Variants in SLC24A1 observed in about 807,000 individuals in gnomAD.
SLC24A1 encodes the protein sodium/potassium/calcium exchanger 1.
A neutral mutation model predicts 88.1 loss-of-function variants in SLC24A1; 52 were observed. The observed-to-expected ratio is 0.59, with a 90% confidence interval of 0.47 to 0.74. The LOEUF (loss-of-function observed/expected upper bound fraction) is 0.74. SLC24A1 is among the 30% of genes least tolerant of loss of function. The pLI is 0.00. For synonymous variants in SLC24A1, 455 were observed against 498.0 expected (o/e 0.91, Z 1.15); for missense variants, 1,173 against 1,363.3 (o/e 0.86, Z 2.20).
At chr15:65,651,869 A>G (rs2075521649) in intron 8 of SLC24A1, 110 bp downstream of exon 8, 1 of 709,236 alleles carries the variant, frequency 1.4e-6, no homozygotes, top group Non-Finnish European at 2.6e-6. Flanking sequence ...GAATTCGTGC[A>G]GTTTCTATGT....
At chr15:65,642,756 C>A in intron 4 of SLC24A1, 1 of 330,850 alleles carries the variant, frequency 3.0e-6, no homozygotes, top group Non-Finnish European at 6.0e-6. Flanking sequence ...ATTGCCAGAG[C>A]CAGCTGCAGC....
At chr15:65,630,680 TA>T (rs1373672783) in intron 2 of SLC24A1, among the ~76,000 whole-genome samples, 1 of 152,230 alleles carries the variant, frequency 6.6e-6, no homozygotes, top group East Asian at 1.9e-4. Flanking sequence ...AAAATTTTCT[TA>T]ATCTTTTGGC....
upstream of SLC24A1, among the ~76,000 whole-genome samples, chr15:65,620,793 A>G (rs1596300818): frequency 6.6e-6 from 1 of 152,162 alleles, no homozygotes; most frequent in Non-Finnish European, 1.5e-5. Flanking sequence ...AAGATCACTC[A>G]TTTTACTTTG....
At chr15:65,651,420 C>T (rs2075500672) in intron 7 of SLC24A1, among the ~76,000 whole-genome samples, 2 of 152,174 alleles carry the variant, frequency 1.3e-5, no homozygotes, top group East Asian at 1.9e-4. Flanking sequence ...AAGCAAACAG[C>T]TTTCTTCCAT....
chr15:65,631,368 A>C (rs2074718889), intron 2 of SLC24A1, among the ~76,000 whole-genome samples: 1 of 152,226 alleles, frequency 6.6e-6, no homozygotes, highest in South Asian at 2.1e-4. Flanking sequence ...AAGTAAAATA[A>C]ACTAAGATGT....
At chr15:65,627,491 C>T (rs1462369034) in intron 2 of SLC24A1, among the ~76,000 whole-genome samples, 4 of 152,210 alleles carry the variant, frequency 2.6e-5, no homozygotes, top group Admixed American at 2.6e-4. Flanking sequence ...AACCCAGTCT[C>T]CTAACTCCCC....
Position 65,624,579 on chromosome 15 carries a change from A to G in SLC24A1, c.499A>G (p.Thr167Ala), listed in dbSNP as rs755024080. ...AAGCAGACAAATAGTAAAAAAGTAT[A>G]CCCCAACACCCAGGGGAGAAATGAA... Reference protein sequence around the residue: ...TSSRQIVKKYTPTPRGEMKSY... With the variant: ...TSSRQIVKKYAPTPRGEMKSY... The change falls in exon 2 of 10, where the codon ACC becomes GCC. Residue 167 changes from threonine (T) to alanine (A), a missense_variant. Transcript: ENST00000261892. The G allele has an allele frequency of 6.3e-7, 1 of 1,593,424 alleles. No individual in the cohort carries two copies.
In SLC24A1 at chr15:65,624,045, T is replaced by G; in HGVS notation, c.-36T>G. ...GAGTAGCCTCCATCTTAGGACAGAA[T>G]GAGAGGCCTTCTGTAACCAGATATA... is the stretch of plus-strand genomic sequence containing the variant. On this transcript the variant is annotated 5_prime_UTR_variant, in exon 2 of 10. The change abolishes an upstream ATG in the 5' untranslated region. Coordinates refer to ENST00000261892, the MANE Select transcript of SLC24A1 (RefSeq NM_004727.3). 18 of 1,505,256 alleles carry G rather than the reference T, an allele frequency of 1.2e-5. No homozygotes were observed. The highest frequency in any genetic ancestry group is 1.4e-5 in the Non-Finnish European group (16 of 1,119,216). The allele number at this position is 1,505,256 out of a possible 1,614,324, so 93.2% of individuals were successfully genotyped here.
chr15:65,621,226 T>C (rs181327503), upstream of SLC24A1, among the ~76,000 whole-genome samples: 105 of 152,338 alleles, frequency 6.9e-4, 1 homozygote, highest in East Asian at 7.7e-3. Context: ...AGCTGAATGA[T>C]TGAAAGGGCT....
downstream of SLC24A1, chr15:65,658,264 C>T (rs2075746453): frequency 6.6e-6 from 1 of 152,152 alleles, no homozygotes; most frequent in Non-Finnish European, 1.5e-5. Context: ...TTAAGGTAAA[C>T]TGGTATGCAG....
rs373453384 is a variant in SLC24A1, at chr15:65,625,691, C to T, written c.1611C>T (p.Leu537=). 1 of 1,614,018 alleles carries T rather than the reference C, an allele frequency of 6.2e-7. No individual in the cohort carries two copies. The highest frequency in any genetic ancestry group is 1.3e-5 in the African/African-American group (1 of 75,058). ...TIVGSAVFNI[L]FVIGTCSLFS... is the part of the protein sequence containing the mutation. ...TGGGCTCTGCTGTGTTCAACATTCTCTTTGTCATTGGCACTTGTTCCCTCT... is the reference window on the plus strand; with the variant it reads ...TGGGCTCTGCTGTGTTCAACATTCTTTTTGTCATTGGCACTTGTTCCCTCT... The change falls in exon 2 of 10, where the codon CTC becomes CTT. Residue 537 remains leucine, a synonymous_variant. Coordinates refer to ENST00000261892, the MANE Select transcript of SLC24A1 (RefSeq NM_004727.3).
rs1001453560 is a variant in SLC24A1, at chr15:65,623,967, C to A, written c.-114C>A. 2 of 905,644 alleles carry A rather than the reference C, an allele frequency of 2.2e-6. No individual in the cohort carries two copies. Among genetic ancestry groups the A allele is most frequent in the East Asian group, 4.9e-5 (2 of 41,104 alleles). 56.1% of individuals were successfully genotyped at this position (905,644 alleles called of 1,614,324 possible). ...TTTACCCACCTAGGGTTGTGGATAC[C>A]CCCTGGCTGGGCTTCATGGAGAAAT... On this transcript the variant is annotated 5_prime_UTR_variant, in exon 2 of 10. Transcript: ENST00000261892.
At chr15:65,638,460 T>C (rs942397357) in intron 3 of SLC24A1, among the ~76,000 whole-genome samples, 11 of 152,194 alleles carry the variant, frequency 7.2e-5, no homozygotes, top group African/African-American at 2.7e-4. Flanking sequence ...GAGCTTCAGA[T>C]TCTGCATCTG....
Position 65,654,931 on chromosome 15 carries a change from C to T in SLC24A1, c.*852C>T, listed in dbSNP as rs1284367736. 2.8e-6 allele frequency: 3 copies of T among 1,059,726 alleles called. No homozygotes were observed. Among genetic ancestry groups the T allele is most frequent in the African/African-American group, 3.5e-5 (2 of 57,912 alleles). The allele number at this position is 1,059,726 out of a possible 1,614,324, so 65.6% of individuals were successfully genotyped here. A position where few individuals can be genotyped will look rare whatever the true frequency, so the allele number is the denominator to read the frequency against. On this transcript the variant is annotated 3_prime_UTR_variant, in exon 10 of 10. Transcript: ENST00000261892. ...TATTTTCTAGTTTAAAGGAGGACTACATTAACTCTTATTGTTGTGTTTCTG... is the reference window on the plus strand; with the variant it reads ...TATTTTCTAGTTTAAAGGAGGACTATATTAACTCTTATTGTTGTGTTTCTG...
Position 65,639,654 on chromosome 15 carries a change from C to T in SLC24A1, c.2004C>T (p.Arg668=). The T allele has an allele frequency of 1.9e-6, 3 of 1,613,286 alleles. No individual in the cohort carries two copies. The highest frequency in any genetic ancestry group is 1.1e-5 in the South Asian group (1 of 90,780). The change falls in exon 4 of 10, where the codon CGC becomes CGT. Residue 668 remains arginine, a synonymous_variant. Coordinates refer to ENST00000261892, the MANE Select transcript of SLC24A1 (RefSeq NM_004727.3). ...CCTCTCTGCACAACAGCACCATCCG[C>T]AGCACCATCTACCAGCTCATGCTCC... is the stretch of plus-strand genomic sequence containing the variant. ...SSTSLHNSTI[R]STIYQLMLHS... is the part of the protein sequence containing the mutation.
intron 1 of SLC24A1, chr15:65,611,898 C>T (rs1002487133): frequency 1.3e-5 from 2 of 152,294 alleles, no homozygotes; most frequent in African/African-American, 4.8e-5. Context: ...TAATTCCTGG[C>T]TGAGGTATGC....
At chr15:65,641,432 G>A (rs1192897734) in intron 4 of SLC24A1, among the ~76,000 whole-genome samples, 1 of 152,042 alleles carries the variant, frequency 6.6e-6, no homozygotes, top group Non-Finnish European at 1.5e-5. Context: ...GACAAGTGAT[G>A]AAACCTTCCT....
At chr15:65,641,423 A>G (rs1373833677) in intron 4 of SLC24A1, among the ~76,000 whole-genome samples, 2 of 152,200 alleles carry the variant, frequency 1.3e-5, no homozygotes, top group African/African-American at 2.4e-5. Context: ...TGCATCAAAG[A>G]CAAGTGATGA....
intron 3 of SLC24A1, 21 bp downstream of exon 3, chr15:65,638,202 G>T: frequency 1.3e-6 from 2 of 1,544,918 alleles, no homozygotes; most frequent in Middle Eastern, 1.7e-4. Flanking sequence ...TATGGAGTCT[G>T]CCCAGTGGGG....
Sources: allele counts gnomAD v4.1 joint callset (sites outside exome capture counted in the v4.1 genomes callset), GRCh38; gene constraint gnomAD v4.1.1; transcripts MANE v1.5; gene names NCBI Gene and HGNC (gene_info 2026-07-23, HGNC 2026-07-21).